The following SLC2A9 variants were observed in gnomAD, a reference collection of about 807,000 sequenced individuals.
SLC2A9 encodes the protein solute carrier family 2, facilitated glucose transporter member 9.
SLC2A9 carries 39 observed loss-of-function variants against 50.6 expected under a neutral mutation model. The observed-to-expected ratio is 0.77, with a 90% CI of 0.60 to 1.01. The LOEUF (loss-of-function observed/expected upper bound fraction) is 1.01. Among genes scored for constraint, SLC2A9 ranks in the 50% least tolerant of loss-of-function variants. SLC2A9 has a pLI of 0.00. For synonymous variants in SLC2A9, 324 were observed against 276.9 expected (o/e 1.17, Z -1.69); for missense variants, 686 against 677.6 (o/e 1.01, Z -0.14).
chr4:9,866,871 T>C (rs1467125366), intron 10 of SLC2A9, among the ~76,000 whole-genome samples: 3 of 152,194 alleles, frequency 2.0e-5, no homozygotes, highest in Non-Finnish European at 2.9e-5. Flanking sequence ...CATGGAGAAT[T>C]CCAACCATGG....
chr4:9,802,482 C>T (rs1395587102), intron 3 of SLC2A9, among the ~76,000 whole-genome samples: 3 of 151,430 alleles, frequency 2.0e-5, no homozygotes, highest in African/African-American at 4.9e-5. Context: ...CTGGGTGAAT[C>T]TCCATGCTTA....
chr4:9,960,398 G>A (rs1752077217), intron 5 of SLC2A9, among the ~76,000 whole-genome samples: 1 of 152,184 alleles, frequency 6.6e-6, no homozygotes, highest in East Asian at 1.9e-4. Flanking sequence ...TAAGTTGGTG[G>A]ACAATATTAA....
In SLC2A9 at chr4:10,020,904, G is replaced by T. The variant is rs112655176; in HGVS notation, c.150+376C>A. Among the ~76,000 whole-genome samples the T allele has an allele frequency of 4.8e-3, 724 of 152,256 alleles. 7 individuals are homozygous for T. The highest frequency in any genetic ancestry group is 0.016 in the African/African-American group (678 of 41,568). On this transcript the variant is annotated intron_variant, in intron 1 of 11. Transcript: ENST00000264784. ...TGTGGCCCGCCTGTGCCCTCCACCC[G>T]CTCCCCACTCACTGCACGGGCAGAG...
rs76135946 is a variant in SLC2A9 at position 9,899,594 on chromosome 4, C to A, written c.1113+8641G>T. ...GGACAGGCTCTCTCTAAGTTAAAAA[C>A]GGAATATAATTCAATGAAACAAACT... On this transcript the variant is annotated intron_variant, in intron 8 of 11. Coordinates refer to ENST00000264784, the MANE Select transcript of SLC2A9 (RefSeq NM_020041.3). Among the ~76,000 whole-genome samples, 6 of 152,166 alleles carry A rather than the reference C, an allele frequency of 3.9e-5. No homozygotes were observed. The East Asian group carries it at 1.2e-3, about 29-fold the overall frequency.
At chr4:10,001,382 C>CT (rs1759777453) in intron 2 of SLC2A9, among the ~76,000 whole-genome samples, 4 of 152,214 alleles carry the variant, frequency 2.6e-5, no homozygotes, top group African/African-American at 9.6e-5. Flanking sequence ...GAGAAGATGG[C>CT]CATCTGTGAG....
Position 9,887,752 on chromosome 4 carries a change from C to T in SLC2A9, c.1216-110G>A, listed in dbSNP as rs878886638. On this transcript the variant is annotated intron_variant, in intron 9 of 11. Coordinates refer to ENST00000264784, the MANE Select transcript of SLC2A9 (RefSeq NM_020041.3). ...CATCTGTGTGACCTTGGACAGGTCA[C>T]TTGATGTCCCCAAGCCCCAGCTTCA... is the stretch of plus-strand genomic sequence containing the variant. 4.8e-5 allele frequency: 36 copies of T among 750,384 alleles called. No individual in the cohort carries two copies. The South Asian group carries it at 8.4e-4, about 18-fold the overall frequency. The allele number at this position is 750,384 out of a possible 1,614,324, so 46.5% of individuals were successfully genotyped here. A position where few individuals can be genotyped will look rare whatever the true frequency, so the allele number is the denominator to read the frequency against.
chr4:9,913,450 T>C (rs978079872), intron 7 of SLC2A9, among the ~76,000 whole-genome samples: 5 of 152,022 alleles, frequency 3.3e-5, no homozygotes. Context: ...TGGTGATGTA[T>C]AGGATCTATC....
At chr4:9,998,734 C>A (rs1027054087) in intron 2 of SLC2A9, among the ~76,000 whole-genome samples, 1 of 152,094 alleles carries the variant, frequency 6.6e-6, no homozygotes, top group Admixed American at 6.5e-5. Context: ...TAACTCCAGA[C>A]GAGAAACAGC....
chr4:9,858,270 G>T (rs1160462373), intron 10 of SLC2A9, among the ~76,000 whole-genome samples: 1 of 152,160 alleles, frequency 6.6e-6, no homozygotes, highest in East Asian at 1.9e-4. Flanking sequence ...GCTGGACTTT[G>T]GCGGTAGCTT....
rs566671621 is a variant in SLC2A9, at chr4:9,788,826, C to T, written n.386-8761G>A. 3.3e-4 allele frequency among the ~76,000 whole-genome samples: 51 copies of T among 152,256 alleles called. No homozygotes were observed. The South Asian group carries it at 8.5e-3, about 25-fold the overall frequency. On this transcript the variant is annotated intron_variant and non_coding_transcript_variant, in intron 3 of 3. Coordinates refer to the SLC2A9 transcript ENST00000503803. The stretch of plus-strand genomic sequence containing the variant: ...TTGAGTAGTTTTTTACTTTTCAACA[C>T]GAGATATGTCAGACTCATCTTGTAT...
chr4:9,970,580 G>A (rs896575239), intron 5 of SLC2A9, among the ~76,000 whole-genome samples: 2 of 152,072 alleles, frequency 1.3e-5, no homozygotes, highest in African/African-American at 4.8e-5. Flanking sequence ...AACCCAGCTA[G>A]CTGGGTTAAA....
chr4:10,031,223 G>A (rs1341191461), intron 1 of SLC2A9, among the ~76,000 whole-genome samples: 2 of 152,180 alleles, frequency 1.3e-5, no homozygotes, highest in Admixed American at 1.3e-4. Flanking sequence ...CTTCCAACAT[G>A]AGACACAAAA....
rs1045617920 is a variant in SLC2A9 at position 9,905,970 on chromosome 4, C to T, written c.1113+2265G>A. 2.0e-5 allele frequency among the ~76,000 whole-genome samples: 3 copies of T among 152,164 alleles called. No homozygotes were observed. The South Asian group carries it at 6.2e-4, about 32-fold the overall frequency. On this transcript the variant is annotated intron_variant, in intron 8 of 11. Transcript: ENST00000264784. ...TCAACTGTCAAAAGATAGCAAGACC[C>T]CCTGTAAAATCCTGCTCTCCACAAG...
intron 10 of SLC2A9, among the ~76,000 whole-genome samples, chr4:9,866,824 T>C (rs1483956681): frequency 6.6e-6 from 1 of 152,174 alleles, no homozygotes; most frequent in Non-Finnish European, 1.5e-5. Flanking sequence ...AACTGATGCA[T>C]GAGGGTGGGA....
In SLC2A9 at chr4:9,942,005, G is replaced by A. The variant is rs138526800; in HGVS notation, c.722C>T (p.Pro241Leu). Residue 241 changes from proline to leucine, a missense_variant, in exon 6 of 12, where the codon CCT (proline) becomes CTT (leucine). Transcript: ENST00000264784. ...WPYLFGVIVV[P>L]AVVQLLSLPF... ...AAGGCTCAGCAGCTGGACAACGGCA[G>A]GGACCACAATCACTCCAAACAGGTA... 2 of 1,614,080 alleles carry A rather than the reference G, an allele frequency of 1.2e-6. No individual in the cohort carries two copies. Among genetic ancestry groups the A allele is most frequent in the Non-Finnish European group, 1.7e-6 (2 of 1,180,034 alleles).
intron 3 of SLC2A9, among the ~76,000 whole-genome samples, chr4:9,814,636 G>C (rs1367916509): frequency 2.6e-5 from 4 of 152,182 alleles, no homozygotes; most frequent in Non-Finnish European, 5.9e-5. Flanking sequence ...TTGGATCTGA[G>C]CTTAGGTGGG....
Position 9,782,083 on chromosome 4 carries a change from C to T in SLC2A9, n.386-2018G>A, listed in dbSNP as rs763661600. On this transcript the variant is annotated intron_variant and non_coding_transcript_variant, in intron 3 of 3. Coordinates refer to the SLC2A9 transcript ENST00000503803. ...CGTACCCGGGGCAGTTCGCTCTATA[C>T]CAGCAGCTGGCGCAGGGGAACGCCG... 3 of 1,522,196 alleles carry T rather than the reference C, an allele frequency of 2.0e-6. No individual in the cohort carries two copies. In the South Asian group the frequency reaches 3.9e-5, roughly 20 times the overall value. The allele number at this position is 1,522,196 out of a possible 1,614,324, so 94.3% of individuals were successfully genotyped here.
intron 10 of SLC2A9, among the ~76,000 whole-genome samples, chr4:9,846,792 A>G (rs1729067306): frequency 6.6e-6 from 1 of 152,162 alleles, no homozygotes; most frequent in Non-Finnish European, 1.5e-5. Context: ...GTGCACACCC[A>G]AACTTTTCCT....
chr4:9,845,039 A>T (rs1403723597), intron 10 of SLC2A9, among the ~76,000 whole-genome samples: 1 of 106,994 alleles, frequency 9.3e-6, no homozygotes, highest in Non-Finnish European at 1.8e-5. Context: ...TTTGAGACAG[A>T]GTCTCGCTCT....
Sources: gnomAD v4.1 joint callset for allele counts (sites outside exome capture counted in the v4.1 genomes callset) on GRCh38, gnomAD v4.1.1 for gene constraint, MANE v1.5 for transcripts, NCBI Gene and HGNC (gene_info 2026-07-23, HGNC 2026-07-21) for gene names.